PTPRD: variants seen among roughly 807,000 people sequenced by gnomAD.
PTPRD encodes protein tyrosine phosphatase receptor type D.
Under a neutral mutation model 214.5 loss-of-function variants are expected in PTPRD, and 34 were observed. That is an observed-to-expected ratio of 0.16 (90% confidence interval 0.12 to 0.21). The LOEUF (loss-of-function observed/expected upper bound fraction) is 0.21. Among genes scored for constraint, PTPRD ranks in the 10% least tolerant of loss-of-function variants. The probability of loss-of-function intolerance (pLI) is 1.00; values close to 1 mark genes in which losing one functional copy is unlikely to be tolerated. For missense variants in PTPRD, 2,545 were observed against 2,398.7 expected, an observed-to-expected ratio of 1.06 and a Z score of -1.27; for synonymous variants, 1,128 against 845.7, an observed-to-expected ratio of 1.33 and a Z score of -5.79.
At chr9:8,906,779 C>T (rs527307305) in intron 11 of PTPRD, among the ~76,000 whole-genome samples, 5 of 152,032 alleles carry the variant, frequency 3.3e-5, no homozygotes, top group South Asian at 2.1e-4. Flanking sequence ...GTGGTCTTTT[C>T]GGCAGACTAT....
chr9:8,708,679 CA>C (rs765081509), intron 12 of PTPRD, among the ~76,000 whole-genome samples: 197 of 39,410 alleles, frequency 5.0e-3, no homozygotes, highest in Middle Eastern at 0.015. Flanking sequence ...GACTCTGTCT[CA>C]AAAAAAAAAA....
intron 3 of PTPRD, among the ~76,000 whole-genome samples, chr9:10,188,020 C>A (rs1316158253): frequency 2.6e-5 from 4 of 152,184 alleles, no homozygotes; most frequent in African/African-American, 9.6e-5. Context: ...AGGTCCAATG[C>A]ATCTTTCTGG....
chr9:9,750,634 T>C (rs2098508098), intron 6 of PTPRD, among the ~76,000 whole-genome samples: 1 of 152,008 alleles, frequency 6.6e-6, no homozygotes, highest in Non-Finnish European at 1.5e-5. Context: ...GGTGTGGGTA[T>C]GTGTGTGTGT....
At chr9:9,011,726 A>G (rs1414449985) in intron 11 of PTPRD, among the ~76,000 whole-genome samples, 2 of 152,144 alleles carry the variant, frequency 1.3e-5, no homozygotes, top group African/African-American at 4.8e-5. Context: ...TTCCTTAGTG[A>G]GAACAAATTA....
rs1413293554 is a variant in PTPRD at position 9,858,281 on chromosome 9, C to A, written c.-368+80226G>T. On this transcript the variant is annotated intron_variant, in intron 5 of 45. Transcript: ENST00000381196. ...ATGTGGACAATAAATATGATGGCAC[C>A]AAATATTTTTGCTTTGTATTTAGCC... Among the ~76,000 whole-genome samples, 8 of 152,210 alleles carry A rather than the reference C, an allele frequency of 5.3e-5. No homozygotes were observed. In the East Asian group the frequency reaches 1.5e-3, roughly 29 times the overall value.
intron 2 of PTPRD, among the ~76,000 whole-genome samples, chr9:10,461,621 C>CTT (rs745654705): frequency 1.1e-4 from 14 of 133,038 alleles, no homozygotes; most frequent in South Asian, 2.5e-4. Flanking sequence ...GCATGACATT[C>CTT]TTTTTTTTTT....
At chr9:9,507,087 A>C (rs2096587446) in intron 8 of PTPRD, among the ~76,000 whole-genome samples, 2 of 151,410 alleles carry the variant, frequency 1.3e-5, no homozygotes, top group South Asian at 4.1e-4. Flanking sequence ...TGTTCCTGCC[A>C]GAAGTTTGAA....
intron 11 of PTPRD, among the ~76,000 whole-genome samples, chr9:8,995,912 C>A (rs886379966): frequency 3.3e-5 from 5 of 152,060 alleles, no homozygotes; most frequent in Admixed American, 6.6e-5. Flanking sequence ...AGTAAACGTA[C>A]TTCTAGTACA....
intron 30 of PTPRD, 53 bp downstream of exon 30, chr9:8,484,066 T>C (rs2096947457): frequency 1.3e-6 from 2 of 1,563,572 alleles, no homozygotes; most frequent in East Asian, 2.3e-5. Flanking sequence ...AGATATAATG[T>C]TCCTATTTAC....
intron 9 of PTPRD, among the ~76,000 whole-genome samples, chr9:9,211,890 T>C (rs2099949018): frequency 6.6e-6 from 1 of 152,142 alleles, no homozygotes; most frequent in Admixed American, 6.6e-5. Context: ...TGTTTCAGTG[T>C]TGCAGCCAGC....
chr9:8,560,798 T>C (rs2085928293), intron 14 of PTPRD, among the ~76,000 whole-genome samples: 3 of 152,136 alleles, frequency 2.0e-5, no homozygotes, highest in South Asian at 4.1e-4. Flanking sequence ...ATCCAGTGTT[T>C]AGAAGGAAAT....
chr9:10,348,422 G>A (rs1056895843), intron 2 of PTPRD, among the ~76,000 whole-genome samples: 3 of 152,158 alleles, frequency 2.0e-5, no homozygotes, highest in Admixed American at 1.3e-4. Context: ...AAACAGGGTT[G>A]ACAAGCATAT....
At chr9:10,503,673 C>A (rs566681110) in intron 2 of PTPRD, among the ~76,000 whole-genome samples, 3 of 151,988 alleles carry the variant, frequency 2.0e-5, no homozygotes, top group East Asian at 3.9e-4. Context: ...ACTATCTTAC[C>A]TCCTGGAGAT....
At chr9:9,773,005 A>G (rs983702382) in intron 5 of PTPRD, among the ~76,000 whole-genome samples, 2 of 152,198 alleles carry the variant, frequency 1.3e-5, no homozygotes, top group Non-Finnish European at 2.9e-5. Flanking sequence ...TAGAATAAAC[A>G]AACTGTAGTA....
intron 5 of PTPRD, among the ~76,000 whole-genome samples, chr9:9,911,985 C>A (rs536697197): frequency 6.6e-6 from 1 of 151,882 alleles, no homozygotes; most frequent in East Asian, 1.9e-4. Context: ...AAAGTAAGAT[C>A]TTAATAATGT....
At chr9:9,765,913 C>T (rs1464855201) in intron 6 of PTPRD, among the ~76,000 whole-genome samples, 1 of 152,192 alleles carries the variant, frequency 6.6e-6, no homozygotes, top group African/African-American at 2.4e-5. Flanking sequence ...CCGCCCGCCT[C>T]AGCCTCCCAA....
At chr9:8,720,687 G>GTT (rs113484347) in intron 12 of PTPRD, among the ~76,000 whole-genome samples, 1 of 151,144 alleles carries the variant, frequency 6.6e-6, no homozygotes, top group African/African-American at 2.4e-5. Flanking sequence ...AAATTGATGT[G>GTT]TTTTTTTTTA....
At chr9:9,751,748 G>A (rs527474973) in intron 6 of PTPRD, among the ~76,000 whole-genome samples, 2 of 152,198 alleles carry the variant, frequency 1.3e-5, no homozygotes, top group South Asian at 4.1e-4. Flanking sequence ...TCAGAGCTAG[G>A]AGGGGGCGTG....
chr9:9,752,608 G>A (rs1189541306), intron 6 of PTPRD, among the ~76,000 whole-genome samples: 1 of 151,990 alleles, frequency 6.6e-6, no homozygotes, highest in Non-Finnish European at 1.5e-5. Context: ...GATCGAGGTT[G>A]AGGGAACTCA....
Sources: allele counts gnomAD v4.1 joint callset (sites outside exome capture counted in the v4.1 genomes callset), GRCh38; gene constraint gnomAD v4.1.1; transcripts MANE v1.5; gene names NCBI Gene and HGNC (gene_info 2026-07-23, HGNC 2026-07-21).